RBFOX1: variants seen among roughly 807,000 people sequenced by gnomAD.
RBFOX1 encodes RNA binding fox-1 homolog 1, also known as RNA binding protein fox-1 homolog 1.
Under a neutral mutation model 57.7 loss-of-function variants are expected in RBFOX1, and 8 were observed. The observed-to-expected ratio is 0.14, with a 90% CI of 0.08 to 0.25. The LOEUF (loss-of-function observed/expected upper bound fraction) is 0.25, where lower values mean the gene tolerates loss of function less well. Among genes scored for constraint, RBFOX1 ranks in the 10% least tolerant of loss-of-function variants. The pLI, the probability that RBFOX1 is intolerant of heterozygous loss-of-function variation, is 1.00. For missense variants in RBFOX1, 611 were observed against 548.5 expected (o/e 1.11, Z -1.14); for synonymous variants, 326 against 222.4 (o/e 1.47, Z -4.15).
At chr16:5,429,240 G>C (rs765852027) in intron 1 of RBFOX1, among the ~76,000 whole-genome samples, 10 of 152,180 alleles carry the variant, frequency 6.6e-5, no homozygotes, top group Non-Finnish European at 1.5e-4. Context: ...GACTCGGAGT[G>C]AGCTGGAGGT....
In RBFOX1 at chr16:7,709,100, C is replaced by T. The variant is rs1555812114; in HGVS notation, c.1040C>T (p.Ala347Val). 1.2e-6 allele frequency: 2 copies of T among 1,613,528 alleles called. No individual in the cohort carries two copies. Among genetic ancestry groups the T allele is most frequent in the Non-Finnish European group, 1.7e-6 (2 of 1,179,688 alleles). ...YAADPYHHAL[A>V]PAPTYGVGAM... ...GCCGACCCCTACCACCACGCACTTGCTCCAGCCCCCACCTACGGCGTTGGT... is the reference window on the plus strand; with the variant it reads ...GCCGACCCCTACCACCACGCACTTGTTCCAGCCCCCACCTACGGCGTTGGT... The change falls in exon 15 of 16, where the codon GCT becomes GTT. Residue 347 changes from alanine (A) to valine (V), a missense_variant. Ala to Val is a moderately conservative substitution (Grantham distance 64). Coordinates refer to ENST00000550418, the MANE Select transcript of RBFOX1 (RefSeq NM_018723.4).
At chr16:6,793,350 T>G (rs903302699) in intron 3 of RBFOX1, among the ~76,000 whole-genome samples, 69 of 152,174 alleles carry the variant, frequency 4.5e-4, no homozygotes, top group Non-Finnish European at 7.5e-4. Context: ...TTCCAAAATA[T>G]GATTTTCTTC....
At chr16:5,912,141 G>A (rs1044187298) in intron 4 of RBFOX1, among the ~76,000 whole-genome samples, 2 of 152,126 alleles carry the variant, frequency 1.3e-5, no homozygotes, top group African/African-American at 4.8e-5. Flanking sequence ...ACCCATCTCT[G>A]CCATTTGCTA....
chr16:6,498,826 T>C (rs1395604692), intron 2 of RBFOX1, among the ~76,000 whole-genome samples: 1 of 152,206 alleles, frequency 6.6e-6, no homozygotes, highest in African/African-American at 2.4e-5. Context: ...GTTCTTCTCC[T>C]GAAGCCAAGA....
intron 4 of RBFOX1, among the ~76,000 whole-genome samples, chr16:7,327,054 T>C (rs1355809998): frequency 6.6e-6 from 1 of 152,166 alleles, no homozygotes; most frequent in East Asian, 1.9e-4. Context: ...TGATATGGTG[T>C]GGGCAGTCTC....
intron 7 of RBFOX1, 54 bp from the exon 8 acceptor site, chr16:7,595,495 G>T: frequency 7.2e-7 from 1 of 1,379,906 alleles, no homozygotes; most frequent in Non-Finnish European, 9.9e-7. Flanking sequence ...CCAAGTGGTC[G>T]TTGACTGAAA....
chr16:5,402,553 G>A (rs2151441508), intron 1 of RBFOX1, among the ~76,000 whole-genome samples: 1 of 152,336 alleles, frequency 6.6e-6, no homozygotes. Context: ...CTAAATACCT[G>A]CTTTCTTCCA....
chr16:6,651,070 TTCTG>T (rs1330561901), intron 2 of RBFOX1, among the ~76,000 whole-genome samples: 1 of 152,222 alleles, frequency 6.6e-6, no homozygotes, highest in Non-Finnish European at 1.5e-5. Flanking sequence ...GCCCAGCTAA[TTCTG>T]TATGTTTAGT....
chr16:6,826,692 C>G (rs775097487), intron 3 of RBFOX1, among the ~76,000 whole-genome samples: 6 of 152,076 alleles, frequency 3.9e-5, no homozygotes, highest in Non-Finnish European at 5.9e-5. Flanking sequence ...GGAGAGAGGA[C>G]TAACCCTAAG....
chr16:5,865,893 G>A (rs997594885), intron 3 of RBFOX1, among the ~76,000 whole-genome samples: 2 of 152,076 alleles, frequency 1.3e-5, no homozygotes, highest in Non-Finnish European at 2.9e-5. Flanking sequence ...CCTTTCCTGT[G>A]TGCAGGAGGA....
chr16:6,496,101 A>G (rs759503957), intron 2 of RBFOX1, among the ~76,000 whole-genome samples: 4 of 152,162 alleles, frequency 2.6e-5, no homozygotes, highest in Non-Finnish European at 5.9e-5. Flanking sequence ...GATATGTGCT[A>G]CTCTGGGGTG....
intron 1 of RBFOX1, among the ~76,000 whole-genome samples, chr16:6,104,283 G>A (rs536503942): frequency 2.2e-4 from 33 of 152,214 alleles, no homozygotes; most frequent in African/African-American, 6.3e-4. Flanking sequence ...TTAAGTATAA[G>A]GAGAATATCC....
At chr16:6,286,024 G>A (rs371178232) in intron 1 of RBFOX1, among the ~76,000 whole-genome samples, 1 of 152,296 alleles carries the variant, frequency 6.6e-6, no homozygotes, top group African/African-American at 2.4e-5. Flanking sequence ...GGCAGGTGAC[G>A]AGGCTGCATC....
chr16:5,914,257 T>C (rs997818220), intron 4 of RBFOX1, among the ~76,000 whole-genome samples: 9 of 152,252 alleles, frequency 5.9e-5, no homozygotes, highest in Admixed American at 3.9e-4. Flanking sequence ...TAACAAATTA[T>C]CACAAAACTT....
chr16:6,730,753 G>T (rs184672390), intron 3 of RBFOX1, among the ~76,000 whole-genome samples: 1 of 152,310 alleles, frequency 6.6e-6, no homozygotes, highest in Admixed American at 6.5e-5. Flanking sequence ...CGATTATTTA[G>T]TGGGTTAGGA....
At chr16:7,279,956 G>A (rs2141112669) in intron 4 of RBFOX1, among the ~76,000 whole-genome samples, 1 of 152,270 alleles carries the variant, frequency 6.6e-6, no homozygotes, top group East Asian at 1.9e-4. Context: ...TAACAATAGG[G>A]CAGCCAAGTT....
intron 3 of RBFOX1, among the ~76,000 whole-genome samples, chr16:6,987,368 C>G (rs2090514577): frequency 1.3e-5 from 2 of 151,802 alleles, no homozygotes; most frequent in Admixed American, 6.6e-5. Flanking sequence ...TGCCTAAAAT[C>G]TCATCACTAC....
intron 2 of RBFOX1, among the ~76,000 whole-genome samples, chr16:6,369,259 A>T (rs2090095588): frequency 6.6e-6 from 1 of 152,212 alleles, no homozygotes; most frequent in African/African-American, 2.4e-5. Context: ...AACAAAATTG[A>T]TATGCTCACT....
chr16:6,885,579 T>A (rs1469449747), intron 3 of RBFOX1, among the ~76,000 whole-genome samples: 2 of 152,118 alleles, frequency 1.3e-5, no homozygotes. Context: ...TCATCCAGGC[T>A]GGAGTGTAAT....
Sources: allele counts gnomAD v4.1 joint callset (sites outside exome capture counted in the v4.1 genomes callset), GRCh38; gene constraint gnomAD v4.1.1; transcripts MANE v1.5; gene names NCBI Gene and HGNC (gene_info 2026-07-23, HGNC 2026-07-21).